The following PHF14 variants were observed in gnomAD, a reference collection of about 807,000 sequenced individuals.
PHF14 encodes PHD finger protein 14.
Under a neutral mutation model 117.9 loss-of-function variants are expected in PHF14, and 55 were observed. The observed-to-expected ratio is 0.47, with a 90% CI of 0.38 to 0.58. The LOEUF (loss-of-function observed/expected upper bound fraction) is 0.58, where lower values mean the gene tolerates loss of function less well. PHF14 is among the 20% of genes least tolerant of loss of function. The probability of loss-of-function intolerance (pLI) is 0.00; values close to 1 mark genes in which losing one functional copy is unlikely to be tolerated. For synonymous variants in PHF14, 409 were observed against 368.6 expected, an observed-to-expected ratio of 1.11 and a Z score of -1.26; for missense variants, 978 against 1,122.2, an observed-to-expected ratio of 0.87 and a Z score of 1.84.
intron 17 of PHF14, among the ~76,000 whole-genome samples, chr7:11,124,552 T>C (rs1222765887): frequency 1.3e-5 from 2 of 152,126 alleles, no homozygotes; most frequent in African/African-American, 4.8e-5. Context: ...TTAAAATGTA[T>C]AATTCTATGT....
intron 6 of PHF14, among the ~76,000 whole-genome samples, chr7:11,025,988 T>C (rs1462331590): frequency 6.6e-6 from 1 of 151,722 alleles, no homozygotes; most frequent in Non-Finnish European, 1.5e-5. Flanking sequence ...GGCACGTGCC[T>C]GTAACCCCAG....
At chr7:11,041,516 C>A (rs1460412630) in intron 12 of PHF14, among the ~76,000 whole-genome samples, 2 of 151,294 alleles carry the variant, frequency 1.3e-5, no homozygotes, top group East Asian at 3.9e-4. Context: ...CATAAATATT[C>A]TTCTCAAAAT....
At chr7:11,097,603 A>G (rs1451969036) in intron 16 of PHF14, among the ~76,000 whole-genome samples, 2 of 152,254 alleles carry the variant, frequency 1.3e-5, no homozygotes, top group East Asian at 1.9e-4. Context: ...TATCCCCACC[A>G]TGTTGTTATG....
chr7:11,128,288 C>A (rs191039872), intron 17 of PHF14, among the ~76,000 whole-genome samples: 23 of 152,074 alleles, frequency 1.5e-4, no homozygotes, highest in Admixed American at 1.4e-3. Context: ...AGCAGACTTA[C>A]TTTTTCAAGA....
chr7:11,037,909 C>A (rs1322526634), intron 10 of PHF14, among the ~76,000 whole-genome samples: 3 of 152,110 alleles, frequency 2.0e-5, no homozygotes, highest in Middle Eastern at 3.4e-3. Context: ...TAGTTTTTTT[C>A]ATTGGGAAAA....
chr7:11,096,255 C>G (rs900671280), intron 16 of PHF14, among the ~76,000 whole-genome samples: 43 of 151,992 alleles, frequency 2.8e-4, no homozygotes, highest in African/African-American at 8.9e-4. Flanking sequence ...GAAGATCATC[C>G]TGCATAATTA....
intron 17 of PHF14, among the ~76,000 whole-genome samples, chr7:11,160,802 T>C (rs992568808): frequency 9.2e-5 from 14 of 152,182 alleles, no homozygotes; most frequent in African/African-American, 3.4e-4. Context: ...TCTTGTAGAT[T>C]CTGGATGTTA....
At chr7:11,134,836 G>C (rs1418616628) in intron 17 of PHF14, among the ~76,000 whole-genome samples, 1 of 152,010 alleles carries the variant, frequency 6.6e-6, no homozygotes, top group Non-Finnish European at 1.5e-5. Context: ...TCAAACTATA[G>C]AAGGATACAC....
chr7:11,103,693 T>C, intron 16 of PHF14: 1 of 984,704 alleles, frequency 1.0e-6, no homozygotes, highest in Non-Finnish European at 1.2e-6. Flanking sequence ...GTTTAAACTT[T>C]AGGAATAGAG....
At chr7:11,063,748 C>T (rs1027640935) in intron 16 of PHF14, 1 of 820,900 alleles carries the variant, frequency 1.2e-6, no homozygotes, top group African/African-American at 1.9e-5. Flanking sequence ...TGATAGATTT[C>T]CAACCCATCA....
At chr7:11,012,172 A>G (rs1303379368) in intron 4 of PHF14, among the ~76,000 whole-genome samples, 1 of 152,210 alleles carries the variant, frequency 6.6e-6, no homozygotes, top group African/African-American at 2.4e-5. Flanking sequence ...ATTGTCAATG[A>G]AGTCCTGCCT....
chr7:11,137,829 G>T (rs948220949), intron 17 of PHF14, among the ~76,000 whole-genome samples: 2 of 151,626 alleles, frequency 1.3e-5, no homozygotes, highest in African/African-American at 4.8e-5. Context: ...CAGGTGATCT[G>T]CCCACCTCGG....
At chr7:11,119,212 T>C (rs539776051) in intron 17 of PHF14, among the ~76,000 whole-genome samples, 206 of 152,000 alleles carry the variant, frequency 1.4e-3, no homozygotes, top group Non-Finnish European at 2.4e-3. Flanking sequence ...CCTCATACTG[T>C]CCTGTAGTTT....
chr7:10,976,185 A>G (rs989635498), intron 2 of PHF14, among the ~76,000 whole-genome samples: 2 of 152,138 alleles, frequency 1.3e-5, no homozygotes, highest in African/African-American at 4.8e-5. Context: ...GAAACTGACT[A>G]TTTGGTTACT....
intron 16 of PHF14, among the ~76,000 whole-genome samples, chr7:11,097,232 G>C (rs1395227513): frequency 2.0e-5 from 3 of 152,112 alleles, no homozygotes; most frequent in Non-Finnish European, 4.4e-5. Context: ...GCCTGCCTCA[G>C]CCTCCCGAAG....
chr7:10,975,117 A>G (rs1381576371), intron 2 of PHF14, among the ~76,000 whole-genome samples, 172 bp downstream of exon 2: 3 of 152,236 alleles, frequency 2.0e-5, no homozygotes, highest in Non-Finnish European at 2.9e-5. Flanking sequence ...CACTAGACCT[A>G]TAATTGCTTC....
At chr7:11,084,387 A>AT (rs1035308504) in intron 16 of PHF14, among the ~76,000 whole-genome samples, 7 of 152,110 alleles carry the variant, frequency 4.6e-5, no homozygotes, top group African/African-American at 1.7e-4. Context: ...CAGAATTAGT[A>AT]TATCATCATC....
At chr7:11,004,865 G>A (rs1478927514) in intron 4 of PHF14, among the ~76,000 whole-genome samples, 2 of 151,740 alleles carry the variant, frequency 1.3e-5, no homozygotes, top group East Asian at 1.9e-4. Flanking sequence ...GTGAAATCCC[G>A]TCTCTACTAA....
At chr7:11,058,050 A>G (rs1785082193) in intron 14 of PHF14, among the ~76,000 whole-genome samples, 2 of 152,190 alleles carry the variant, frequency 1.3e-5, no homozygotes, top group African/African-American at 4.8e-5. Context: ...TACATTCTAA[A>G]GCACATTCTT....
Sources: allele counts gnomAD v4.1 joint callset (sites outside exome capture counted in the v4.1 genomes callset), GRCh38; gene constraint gnomAD v4.1.1; transcripts MANE v1.5; gene names NCBI Gene and HGNC (gene_info 2026-07-23, HGNC 2026-07-21).